Variants in EXOC6 observed in about 807,000 individuals in gnomAD.
EXOC6 encodes the protein exocyst complex component 6.
A neutral mutation model predicts 112.5 loss-of-function variants in EXOC6; 60 were observed. The ratio of observed to expected loss-of-function variants is 0.53; its 90% CI spans 0.43 to 0.66. The LOEUF is 0.66. Among genes scored for constraint, EXOC6 ranks in the 30% least tolerant of loss-of-function variants. The pLI is 0.00. For missense variants in EXOC6, 855 were observed against 957.1 expected (o/e 0.89, Z 1.41); for synonymous variants, 295 against 308.0 (o/e 0.96, Z 0.44).
chr10:92,908,935 A>C (rs1158848999), intron 5 of EXOC6, among the ~76,000 whole-genome samples: 2 of 152,160 alleles, frequency 1.3e-5, no homozygotes, highest in African/African-American at 4.8e-5. Context: ...GATACTTAAC[A>C]GTATTTCTAA....
At chr10:92,892,240 C>T (rs1849541668) in intron 1 of EXOC6, among the ~76,000 whole-genome samples, 2 of 152,184 alleles carry the variant, frequency 1.3e-5, no homozygotes, top group Admixed American at 1.3e-4. Context: ...TTTCAAAAAA[C>T]TACACAGATT....
At chr10:92,857,598 TC>T (rs1847662447) in intron 1 of EXOC6, among the ~76,000 whole-genome samples, 2 of 152,234 alleles carry the variant, frequency 1.3e-5, no homozygotes, top group African/African-American at 4.8e-5. Context: ...CCCACATACA[TC>T]CTTTGTGTTG....
chr10:92,848,696 C>T (rs1446528195), intron 1 of EXOC6, 62 bp downstream of exon 1: 2 of 1,209,806 alleles, frequency 1.7e-6, no homozygotes, highest in Non-Finnish European at 2.1e-6. Flanking sequence ...TCCTCACGAG[C>T]CGGGCGGGGC....
intron 1 of EXOC6, chr10:92,878,384 A>C (rs1848779163): frequency 6.6e-6 from 1 of 152,168 alleles, no homozygotes; most frequent in Non-Finnish European, 1.5e-5. Flanking sequence ...GACAGCAAAA[A>C]AAGGAACCTT....
intron 8 of EXOC6, among the ~76,000 whole-genome samples, 166 bp downstream of exon 8, chr10:92,920,216 G>GT (rs1851351644): frequency 6.6e-6 from 1 of 152,068 alleles, no homozygotes; most frequent in Non-Finnish European, 1.5e-5. Flanking sequence ...TTATCATAGT[G>GT]TAATTTCAAG....
chr10:92,918,035 C>T (rs1172373812), intron 7 of EXOC6, among the ~76,000 whole-genome samples: 2 of 152,136 alleles, frequency 1.3e-5, no homozygotes, highest in Non-Finnish European at 2.9e-5. Flanking sequence ...TTCCCAGCTA[C>T]TGGGGAGGCT....
chr10:92,975,720 C>T (rs1842541996), intron 18 of EXOC6, among the ~76,000 whole-genome samples: 1 of 130,660 alleles, frequency 7.7e-6, no homozygotes, highest in Non-Finnish European at 1.7e-5. Flanking sequence ...GCCCGGCCAG[C>T]CGCCCCGTCC....
intron 19 of EXOC6, among the ~76,000 whole-genome samples, chr10:93,004,883 A>G (rs997056774): frequency 2.6e-5 from 4 of 152,188 alleles, no homozygotes; most frequent in Admixed American, 6.5e-5. Context: ...AATTTTTCCC[A>G]TAACACATGG....
At chr10:92,892,837 G>C (rs1346458796) in intron 1 of EXOC6, among the ~76,000 whole-genome samples, 2 of 152,174 alleles carry the variant, frequency 1.3e-5, no homozygotes, top group African/African-American at 4.8e-5. Flanking sequence ...TCATATCCCA[G>C]CTATCACTTG....
At chr10:92,930,963 T>C (rs912349616) in intron 9 of EXOC6, among the ~76,000 whole-genome samples, 10 of 151,600 alleles carry the variant, frequency 6.6e-5, no homozygotes, top group African/African-American at 1.9e-4. Context: ...AATACAAAAA[T>C]TAGCTGGGAG....
chr10:93,047,264 C>T (rs1324948174), intron 20 of EXOC6, among the ~76,000 whole-genome samples: 6 of 152,120 alleles, frequency 3.9e-5, no homozygotes, highest in Admixed American at 2.0e-4. Context: ...GGGCCAGGCA[C>T]GGTGGCTCAC....
At chr10:92,951,410 G>T (rs1459039851) in intron 14 of EXOC6, among the ~76,000 whole-genome samples, 1 of 152,174 alleles carries the variant, frequency 6.6e-6, no homozygotes, top group Non-Finnish European at 1.5e-5. Context: ...ACCAGTGTGG[G>T]CAGGAATCCA....
rs1156595696 is a variant in EXOC6, at chr10:92,834,758, A to G, written c.20A>G (p.Asp7Gly). The G allele has an allele frequency of 6.2e-6, 10 of 1,611,076 alleles. No homozygotes were observed. The Admixed American group carries it at 8.3e-5, about 13-fold the overall frequency. ...CGAGCGATGTTGGAAGAAGAAACAG[A>G]TCAAACCTATGAGAATGTCCTGGCT... is the stretch of plus-strand genomic sequence containing the variant. Residue 7 changes from aspartate to glycine, a missense_variant, in exon 1 of 22, where the codon GAT (aspartate) becomes GGT (glycine). Coordinates refer to the EXOC6 transcript ENST00000371552.
rs943618884 is a variant in EXOC6 at position 93,001,162 on chromosome 10, A to G, written c.2095+3547A>G. ...GTGCCTGGTAAGTCTGTGAAGAGAA[A>G]AGGTCAGGATACCATGGAAATCAAC... On this transcript the variant is annotated intron_variant, in intron 19 of 21. Coordinates refer to ENST00000260762, the MANE Select transcript of EXOC6 (RefSeq NM_019053.6). 2.0e-5 allele frequency among the ~76,000 whole-genome samples: 3 copies of G among 152,312 alleles called. No individual in the cohort carries two copies. In the Middle Eastern group the frequency reaches 0.01, roughly 518 times the overall value.
chr10:92,903,641 A>G (rs1850296447), intron 5 of EXOC6, among the ~76,000 whole-genome samples: 1 of 151,536 alleles, frequency 6.6e-6, no homozygotes, highest in South Asian at 2.1e-4. Context: ...TTTTTATTTA[A>G]TAGATTTTAT....
intron 1 of EXOC6, among the ~76,000 whole-genome samples, chr10:92,853,955 C>T (rs1431939195): frequency 1.3e-5 from 2 of 150,010 alleles, no homozygotes; most frequent in African/African-American, 4.9e-5. Context: ...TTGCAGTGAG[C>T]CGTGATCATG....
chr10:93,008,905 A>G (rs894288467), intron 19 of EXOC6, among the ~76,000 whole-genome samples: 1 of 152,214 alleles, frequency 6.6e-6, no homozygotes, highest in Non-Finnish European at 1.5e-5. Context: ...TTGCACTGTT[A>G]AATAAATACA....
chr10:93,051,829 G>A (rs1402941900), intron 20 of EXOC6, among the ~76,000 whole-genome samples: 2 of 152,162 alleles, frequency 1.3e-5, no homozygotes, highest in Admixed American at 1.3e-4. Context: ...AATCTCTGGA[G>A]CACTCTAGGA....
intron 20 of EXOC6, among the ~76,000 whole-genome samples, chr10:93,050,779 A>AAAAAAAAAAAAAAAAAAAAAAG: frequency 6.8e-6 from 1 of 147,940 alleles, no homozygotes; most frequent in Non-Finnish European, 1.5e-5. Flanking sequence ...AAAAAAAAAA[A>AAAAAAAAAAAAAAAAAAAAAAG]AAGAATTGCT....
Sources: gnomAD v4.1 joint callset for allele counts (sites outside exome capture counted in the v4.1 genomes callset) on GRCh38, gnomAD v4.1.1 for gene constraint, MANE v1.5 for transcripts, NCBI Gene and HGNC (gene_info 2026-07-23, HGNC 2026-07-21) for gene names.